CNTN4: variants seen among roughly 807,000 people sequenced by gnomAD.
CNTN4 encodes contactin 4.
CNTN4 carries 77 observed loss-of-function variants against 122.5 expected under a neutral mutation model. The ratio of observed to expected loss-of-function variants is 0.63; its 90% CI spans 0.52 to 0.76. The LOEUF (loss-of-function observed/expected upper bound fraction) is 0.76. Among genes scored for constraint, CNTN4 ranks in the 30% least tolerant of loss-of-function variants. The pLI, the probability that CNTN4 is intolerant of heterozygous loss-of-function variation, is 0.00. For synonymous variants in CNTN4, 512 were observed against 447.0 expected, an observed-to-expected ratio of 1.15 and a Z score of -1.83; for missense variants, 1,256 against 1,259.1, an observed-to-expected ratio of 1.00 and a Z score of 0.04.
intron 4 of CNTN4, among the ~76,000 whole-genome samples, chr3:2,734,717 A>T (rs902287709): frequency 2.0e-5 from 3 of 150,512 alleles, no homozygotes; most frequent in Non-Finnish European, 4.4e-5. Context: ...CTTCACCTAG[A>T]TCCCCAAACC....
intron 3 of CNTN4, among the ~76,000 whole-genome samples, chr3:2,430,616 C>CA (rs10662868): frequency 0.12 from 12,670 of 103,274 alleles, 1,710 homozygotes; most frequent in African/African-American, 0.35. Flanking sequence ...AGCAAATTAC[C>CA]AAAAAAAAAA....
chr3:2,387,036 C>T (rs1291350362), intron 3 of CNTN4, among the ~76,000 whole-genome samples: 1 of 152,094 alleles, frequency 6.6e-6, no homozygotes, highest in Non-Finnish European at 1.5e-5. Context: ...TTTGAACTTG[C>T]TAACCATAAG....
At chr3:2,776,543 AATAG>A (rs1197407320) in intron 6 of CNTN4, among the ~76,000 whole-genome samples, 2 of 152,122 alleles carry the variant, frequency 1.3e-5, no homozygotes, top group African/African-American at 2.4e-5. Flanking sequence ...CTCAGGGCCT[AATAG>A]ATAGACTATC....
chr3:2,688,769 G>A (rs73005940), intron 4 of CNTN4, among the ~76,000 whole-genome samples: 6 of 152,104 alleles, frequency 3.9e-5, no homozygotes, highest in Admixed American at 6.6e-5. Context: ...AGCTCCCTAC[G>A]TGGGTCTTTG....
intron 2 of CNTN4, among the ~76,000 whole-genome samples, chr3:2,253,968 C>T (rs2040475020): frequency 6.6e-6 from 1 of 152,026 alleles, no homozygotes; most frequent in Admixed American, 6.6e-5. Flanking sequence ...TATACACGTG[C>T]CATGTTGGCG....
chr3:2,135,630 A>G (rs1221666869), intron 2 of CNTN4, among the ~76,000 whole-genome samples: 1 of 151,544 alleles, frequency 6.6e-6, no homozygotes, highest in Non-Finnish European at 1.5e-5. Context: ...GTGGGGGCAG[A>G]GCTTTTTGTT....
intron 3 of CNTN4, among the ~76,000 whole-genome samples, chr3:2,455,184 A>G (rs1045050972): frequency 3.3e-5 from 5 of 152,150 alleles, no homozygotes; most frequent in African/African-American, 1.2e-4. Context: ...TGAACACAGC[A>G]AGGGCTGTGG....
chr3:2,262,174 G>A (rs544727660), intron 2 of CNTN4, among the ~76,000 whole-genome samples: 4 of 152,180 alleles, frequency 2.6e-5, no homozygotes, highest in South Asian at 4.2e-4. Context: ...ATAAAGTAAC[G>A]AGAGGAGATA....
chr3:2,995,333 T>C (rs1695438147), intron 14 of CNTN4, among the ~76,000 whole-genome samples: 1 of 152,236 alleles, frequency 6.6e-6, no homozygotes, highest in African/African-American at 2.4e-5. Flanking sequence ...GAGAGCCACG[T>C]AGATTGAGCA....
At chr3:2,153,074 CAGA>C (rs936257187) in intron 2 of CNTN4, among the ~76,000 whole-genome samples, 1 of 152,100 alleles carries the variant, frequency 6.6e-6, no homozygotes, top group Non-Finnish European at 1.5e-5. Flanking sequence ...GTCTGTTATG[CAGA>C]AGTTTTGTGG....
chr3:2,786,978 C>G (rs192623402), intron 6 of CNTN4, among the ~76,000 whole-genome samples: 1 of 152,216 alleles, frequency 6.6e-6, no homozygotes, highest in Admixed American at 6.5e-5. Context: ...TTTCTTGGCA[C>G]TCATTCATGC....
At chr3:2,171,274 G>A (rs6803615) in intron 2 of CNTN4, among the ~76,000 whole-genome samples, 2,500 of 152,210 alleles carry the variant, frequency 0.016, 75 homozygotes, top group African/African-American at 0.058. Context: ...ATGATAAGGT[G>A]GGTCTACATG....
intron 6 of CNTN4, among the ~76,000 whole-genome samples, chr3:2,796,415 A>G (rs977488509): frequency 6.6e-6 from 1 of 152,128 alleles, no homozygotes; most frequent in Non-Finnish European, 1.5e-5. Context: ...ACCCTAATCT[A>G]AAAATATCAC....
chr3:2,800,287 T>C (rs983055668), intron 6 of CNTN4, among the ~76,000 whole-genome samples: 4 of 152,202 alleles, frequency 2.6e-5, no homozygotes, highest in African/African-American at 9.6e-5. Context: ...TTCTTTACCC[T>C]GACATTCGAT....
intron 4 of CNTN4, among the ~76,000 whole-genome samples, chr3:2,687,078 G>A (rs2085468904): frequency 6.6e-6 from 1 of 152,124 alleles, no homozygotes; most frequent in Non-Finnish European, 1.5e-5. Flanking sequence ...CTTTAAATAG[G>A]GAACAGTGAT....
At chr3:2,752,851 A>G (rs2090160946) in intron 6 of CNTN4, among the ~76,000 whole-genome samples, 1 of 152,148 alleles carries the variant, frequency 6.6e-6, no homozygotes, top group African/African-American at 2.4e-5. Context: ...TAGCTTCCAC[A>G]TACAATTGAG....
intron 2 of CNTN4, among the ~76,000 whole-genome samples, chr3:2,184,911 C>A (rs575153825): frequency 6.6e-6 from 1 of 152,256 alleles, no homozygotes; most frequent in South Asian, 2.1e-4. Context: ...GGCCCTTCTG[C>A]AAAAATTCAG....
chr3:2,983,031 G>A (rs574933981), intron 13 of CNTN4, among the ~76,000 whole-genome samples: 12 of 151,510 alleles, frequency 7.9e-5, no homozygotes, highest in South Asian at 6.3e-4. Flanking sequence ...TGGCGAACAC[G>A]GTGAAAACCT....
At chr3:2,694,938 T>C (rs2085944816) in intron 4 of CNTN4, among the ~76,000 whole-genome samples, 1 of 152,190 alleles carries the variant, frequency 6.6e-6, no homozygotes, top group Non-Finnish European at 1.5e-5. Context: ...AATGAACCGT[T>C]TGGTTTTAAA....
Sources: gnomAD v4.1 joint callset for allele counts (sites outside exome capture counted in the v4.1 genomes callset) on GRCh38, gnomAD v4.1.1 for gene constraint, MANE v1.5 for transcripts, NCBI Gene and HGNC (gene_info 2026-07-23, HGNC 2026-07-21) for gene names.